ADGRL3: variants seen among roughly 807,000 people sequenced by gnomAD.
ADGRL3 encodes calcium-independent alpha-latrotoxin receptor 3.
In ADGRL3, 62 loss-of-function variants were observed where a neutral mutation model predicts 153.5. The observed-to-expected ratio is 0.40, with a 90% CI of 0.33 to 0.50. ADGRL3 has a LOEUF of 0.50. ADGRL3 is among the 20% of genes least tolerant of loss of function. ADGRL3 has a pLI of 0.47. For synonymous variants in ADGRL3, 710 were observed against 672.5 expected, an observed-to-expected ratio of 1.06 and a Z score of -0.86; for missense variants, 1,641 against 1,859.4, an observed-to-expected ratio of 0.88 and a Z score of 2.16.
intron 5 of ADGRL3, among the ~76,000 whole-genome samples, chr4:61,607,496 A>T (rs188646987): frequency 6.6e-6 from 1 of 152,120 alleles, no homozygotes; most frequent in South Asian, 2.1e-4. Flanking sequence ...GCTACTCAGG[A>T]CGCTGAAGCA....
intron 1 of ADGRL3, among the ~76,000 whole-genome samples, chr4:61,272,074 T>C (rs2093215316): frequency 6.6e-6 from 1 of 152,002 alleles, no homozygotes; most frequent in African/African-American, 2.4e-5. Context: ...GTCAGTTCCA[T>C]GTAATTTGGA....
At chr4:61,253,275 A>T (rs1346748365) in intron 1 of ADGRL3, among the ~76,000 whole-genome samples, 6 of 152,306 alleles carry the variant, frequency 3.9e-5, no homozygotes, top group South Asian at 2.1e-4. Context: ...TTTCTTTTTT[A>T]AAAAATATAA....
intron 12 of ADGRL3, among the ~76,000 whole-genome samples, chr4:61,910,959 A>G (rs1287640717): frequency 6.8e-6 from 1 of 146,008 alleles, no homozygotes; most frequent in Non-Finnish European, 1.5e-5. Flanking sequence ...GATATAAATT[A>G]TTATTATTAT....
intron 9 of ADGRL3, among the ~76,000 whole-genome samples, chr4:61,843,549 G>A (rs1400750428): frequency 6.6e-6 from 1 of 152,098 alleles, no homozygotes; most frequent in African/African-American, 2.4e-5. Flanking sequence ...CTCTATGAAG[G>A]CAAAACTAAG....
At chr4:61,458,566 G>C (rs2097778016) in intron 2 of ADGRL3, among the ~76,000 whole-genome samples, 1 of 151,318 alleles carries the variant, frequency 6.6e-6, no homozygotes, top group Non-Finnish European at 1.5e-5. Context: ...GAAAATAATA[G>C]CAACAGAAAT....
At chr4:61,565,580 C>T (rs2149045192) in intron 4 of ADGRL3, among the ~76,000 whole-genome samples, 1 of 152,062 alleles carries the variant, frequency 6.6e-6, no homozygotes, top group East Asian at 1.9e-4. Context: ...TCTTGTCGCC[C>T]AGACTGAAGT....
chr4:61,462,593 G>A (rs766233859), intron 2 of ADGRL3, among the ~76,000 whole-genome samples: 35 of 152,130 alleles, frequency 2.3e-4, no homozygotes, highest in Non-Finnish European at 4.0e-4. Context: ...TGACTTGATC[G>A]TGCTACTTTC....
intron 4 of ADGRL3, among the ~76,000 whole-genome samples, chr4:61,539,827 A>G (rs1033895275): frequency 2.6e-5 from 4 of 152,046 alleles, no homozygotes; most frequent in African/African-American, 9.7e-5. Context: ...TACCCTTCCC[A>G]CAGGGCTCCA....
chr4:61,911,369 G>T (rs2098721018), intron 12 of ADGRL3, among the ~76,000 whole-genome samples: 1 of 152,066 alleles, frequency 6.6e-6, no homozygotes, highest in South Asian at 2.1e-4. Flanking sequence ...TTCCATTTGT[G>T]AAGCTTTTTA....
intron 1 of ADGRL3, among the ~76,000 whole-genome samples, chr4:61,223,211 G>A (rs1326904303): frequency 6.6e-6 from 1 of 152,152 alleles, no homozygotes; most frequent in African/African-American, 2.4e-5. Context: ...TAGAAAAGTG[G>A]TTAGAAGCAC....
intron 1 of ADGRL3, among the ~76,000 whole-genome samples, chr4:61,294,884 TACACACACACACACACACTCACAC>T (rs1438081296): frequency 1.3e-4 from 14 of 105,132 alleles, no homozygotes; most frequent in Non-Finnish European, 3.9e-5. Context: ...AATTAAATTT[TACACACACACACACACACTCACAC>T]ACACACACAC....
At chr4:61,775,911 A>T (rs7698075) in intron 8 of ADGRL3, 83,384 of 212,948 alleles carry the variant, frequency 0.39, 16,573 homozygotes, top group Middle Eastern at 0.47. Context: ...TTATTTATTT[A>T]TTTTTTTGAG....
intron 9 of ADGRL3, among the ~76,000 whole-genome samples, chr4:61,876,892 A>T (rs1282350134): frequency 7.0e-6 from 1 of 143,774 alleles, no homozygotes; most frequent in African/African-American, 2.6e-5. Context: ...CTTTCTCAAT[A>T]AACTTGCTTT....
At chr4:61,836,273 A>G (rs1387123810) in intron 9 of ADGRL3, among the ~76,000 whole-genome samples, 1 of 152,152 alleles carries the variant, frequency 6.6e-6, no homozygotes, top group East Asian at 1.9e-4. Context: ...TCTGAGAAAA[A>G]CATTCTATAA....
At chr4:61,775,556 C>G (rs2097138303) in intron 8 of ADGRL3, 4 of 825,858 alleles carry the variant, frequency 4.8e-6, no homozygotes, top group East Asian at 2.4e-5. Context: ...TGAGGCTTCC[C>G]CTCTCTGTCA....
chr4:61,994,566 G>T (rs1294525294), intron 19 of ADGRL3, among the ~76,000 whole-genome samples: 1 of 151,888 alleles, frequency 6.6e-6, no homozygotes, highest in Non-Finnish European at 1.5e-5. Flanking sequence ...CAAAGTAAAG[G>T]AAGCCAAAAA....
intron 3 of ADGRL3, among the ~76,000 whole-genome samples, chr4:61,516,203 T>C (rs1207859223): frequency 1.3e-5 from 2 of 152,104 alleles, no homozygotes; most frequent in African/African-American, 4.8e-5. Flanking sequence ...TCTGCAGATA[T>C]TTTATATAGC....
chr4:61,844,575 A>AATATATAT (rs57750929), intron 9 of ADGRL3, among the ~76,000 whole-genome samples: 1,894 of 18,074 alleles, frequency 0.1, 154 homozygotes, highest in Middle Eastern at 0.12. Flanking sequence ...AAAAAAAAAA[A>AATATATAT]ATATATATAT....
chr4:61,668,276 T>C (rs561393939), intron 5 of ADGRL3, among the ~76,000 whole-genome samples: 1 of 152,302 alleles, frequency 6.6e-6, no homozygotes, highest in Non-Finnish European at 1.5e-5. Context: ...GGGCACAGCC[T>C]CTAGAGTCTA....
Sources: gnomAD v4.1 joint callset for allele counts (sites outside exome capture counted in the v4.1 genomes callset) on GRCh38, gnomAD v4.1.1 for gene constraint, MANE v1.5 for transcripts, NCBI Gene and HGNC (gene_info 2026-07-23, HGNC 2026-07-21) for gene names.